MAPK8IP3: variants seen among roughly 807,000 people sequenced by gnomAD.
MAPK8IP3 encodes the protein mitogen-activated protein kinase 8 interacting protein 3.
MAPK8IP3 carries 49 observed loss-of-function variants against 157.8 expected under a neutral mutation model. That is an observed-to-expected ratio of 0.31 (90% CI 0.25 to 0.39). The LOEUF is 0.39. Among genes scored for constraint, MAPK8IP3 ranks in the 10% least tolerant of loss-of-function variants. The pLI, the probability that MAPK8IP3 is intolerant of heterozygous loss-of-function variation, is 1.00. For missense variants in MAPK8IP3, 1,478 were observed against 1,889.4 expected (o/e 0.78, Z 4.04); for synonymous variants, 897 against 777.7 (o/e 1.15, Z -2.55).
rs993592494 is a variant in MAPK8IP3, at chr16:1,761,161, G to A, written c.1458-63G>A. On this transcript the variant is annotated intron_variant, in intron 12 of 31. Coordinates refer to ENST00000610761, the MANE Select transcript of MAPK8IP3 (RefSeq NM_001318852.2). The stretch of plus-strand genomic sequence containing the variant: ...CACAGGTTCGGGGCGGGCACTGCCC[G>A]CTATGTGTTCCCGAGGCCCCTGGGA... 2.9e-5 allele frequency: 39 copies of A among 1,343,854 alleles called. No individual in the cohort carries two copies. The African/African-American group carries it at 3.2e-4, about 11-fold the overall frequency. 83.2% of individuals were successfully genotyped at this position (1,343,854 alleles called of 1,614,324 possible). A position where few individuals can be genotyped will look rare whatever the true frequency, so the allele number is the denominator to read the frequency against.
At chr16:1,752,380 C>T (rs569518375) in intron 8 of MAPK8IP3, 22 of 255,808 alleles carry the variant, frequency 8.6e-5, no homozygotes, top group Middle Eastern at 1.5e-3. Context: ...CAGGCTGGCA[C>T]GACAGGCTGC....
At chr16:1,719,771 G>A (rs781588634) in intron 1 of MAPK8IP3, among the ~76,000 whole-genome samples, 3 of 151,662 alleles carry the variant, frequency 2.0e-5, no homozygotes, top group Admixed American at 1.3e-4. Context: ...GCTTGAGCCC[G>A]CGAGGTCAAG....
rs999803646 is a variant in MAPK8IP3, at chr16:1,710,076, G to A, written c.318+3419G>A. ...TTTTCCGAGTTAAATAAAAGTTACCGGCCAGGCGCAGCGACTCTCACATGT... is the reference window on the plus strand; with the variant it reads ...TTTTCCGAGTTAAATAAAAGTTACCAGCCAGGCGCAGCGACTCTCACATGT... On this transcript the variant is annotated intron_variant, in intron 1 of 31. Transcript: ENST00000610761. The surrounding 1 kb of genome is among the most constrained non-coding windows in gnomAD (Gnocchi z 4.1). Among the ~76,000 whole-genome samples, 2 of 152,066 alleles carry A rather than the reference G, an allele frequency of 1.3e-5. No individual in the cohort carries two copies. The highest frequency in any genetic ancestry group is 1.3e-4 in the Admixed American group (2 of 15,258).
At chr16:1,748,493 T>C (rs914850207) in intron 7 of MAPK8IP3, 109 bp from the exon 8 acceptor site, 2 of 1,143,656 alleles carry the variant, frequency 1.7e-6, no homozygotes, top group Non-Finnish European at 2.6e-6. Flanking sequence ...TGCAGGGCAG[T>C]GTGGGCATTG....
chr16:1,767,334 C>T (rs771704921), intron 26 of MAPK8IP3, 37 bp downstream of exon 26: 8 of 1,609,980 alleles, frequency 5.0e-6, no homozygotes, highest in East Asian at 4.5e-5. Flanking sequence ...GGGGAAGAGG[C>T]TCCTGCTGGC....
At chr16:1,733,582 G>A (rs1411847657) in intron 4 of MAPK8IP3, among the ~76,000 whole-genome samples, 2 of 152,226 alleles carry the variant, frequency 1.3e-5, no homozygotes, top group Non-Finnish European at 1.5e-5. Flanking sequence ...CTGTCGAGGT[G>A]TCCCCGCGGG....
At chr16:1,767,086 C>G in intron 25 of MAPK8IP3, 63 bp from the exon 26 acceptor site, 1 of 1,596,736 alleles carries the variant, frequency 6.3e-7, no homozygotes. Context: ...GTGTCTCAAC[C>G]CGATGCCCTG....
intron 1 of MAPK8IP3, among the ~76,000 whole-genome samples, chr16:1,709,955 TCAA>T (rs1184384594): frequency 1.3e-5 from 2 of 151,812 alleles, no homozygotes; most frequent in East Asian, 3.8e-4. Context: ...GGGTGTTCTC[TCAA>T]CAAGCCCAGA....
At chr16:1,745,161 G>T (rs1056245781) in intron 5 of MAPK8IP3, 8 of 985,372 alleles carry the variant, frequency 8.1e-6, no homozygotes, top group Non-Finnish European at 9.6e-6. Context: ...TAGGGTGACG[G>T]AGAGCTAGGG....
intron 4 of MAPK8IP3, among the ~76,000 whole-genome samples, chr16:1,737,585 T>TGA (rs2040089387): frequency 2.0e-5 from 2 of 97,998 alleles, no homozygotes; most frequent in African/African-American, 8.5e-5. Context: ...TGACCGTCCG[T>TGA]GAGCATCCGT....
At chr16:1,744,067 G>A in intron 5 of MAPK8IP3, 1 of 988,094 alleles carries the variant, frequency 1.0e-6, no homozygotes. Context: ...GCCCCAGCAG[G>A]TTCTCACAGC....
intron 10 of MAPK8IP3, 44 bp downstream of exon 10, chr16:1,759,039 C>T (rs571989680): frequency 3.5e-5 from 57 of 1,611,004 alleles, no homozygotes; most frequent in South Asian, 7.7e-5. Flanking sequence ...TCCTCCACCC[C>T]GACATGGTCT....
At position 1,743,175 on chromosome 16, in the gene MAPK8IP3, G is replaced by T. The variant is rs997505333; in HGVS notation, c.603-157G>T. ...ACTGCAGCATCATGGGAGGGGAAGC[G>T]CCACGTAGGATCATAACTGAGTAGC... On this transcript the variant is annotated intron_variant, in intron 4 of 31. Coordinates refer to ENST00000610761, the MANE Select transcript of MAPK8IP3 (RefSeq NM_001318852.2). This position sits in a 1 kb window ranked among gnomAD's most constrained non-coding sequence, Gnocchi z 5.6. Among the ~76,000 whole-genome samples the T allele has an allele frequency of 3.3e-5, 5 of 152,120 alleles. No individual in the cohort carries two copies. Among genetic ancestry groups the T allele is most frequent in the Non-Finnish European group, 7.4e-5 (5 of 68,018 alleles).
intron 1 of MAPK8IP3, among the ~76,000 whole-genome samples, chr16:1,712,657 G>A (rs1233603743): frequency 1.3e-5 from 2 of 152,104 alleles, no homozygotes; most frequent in Non-Finnish European, 2.9e-5. Context: ...TCCCCAGGTG[G>A]CCCCCCACTG....
chr16:1,739,462 TTCCG>T, intron 4 of MAPK8IP3, among the ~76,000 whole-genome samples: 1 of 63,088 alleles, frequency 1.6e-5, no homozygotes, highest in Non-Finnish European at 3.0e-5. Flanking sequence ...CCGTGTGAGC[TTCCG>T]TGTGACCGTC....
rs940990154 is a variant in MAPK8IP3 at position 1,764,863 on chromosome 16, C to A, written c.2281-150C>A. ...GCTTTAGAGTGCAGTCCTGAGTCCG[C>A]ATTGTTCTGGTCCTGGGGGAGGACA... is the stretch of plus-strand genomic sequence containing the variant. On this transcript the variant is annotated intron_variant, in intron 19 of 31. Transcript: ENST00000610761. The A allele has an allele frequency of 9.5e-6, 7 of 734,328 alleles. No individual in the cohort carries two copies. In the African/African-American group the frequency reaches 1.2e-4, roughly 13 times the overall value. The allele number at this position is 734,328 out of a possible 1,614,324, so 45.5% of individuals were successfully genotyped here.
At chr16:1,729,466 C>T in intron 3 of MAPK8IP3, 21 bp from the exon 4 acceptor site, 2 of 1,604,652 alleles carry the variant, frequency 1.2e-6, no homozygotes, top group Non-Finnish European at 1.7e-6. Context: ...AGCGCTAATG[C>T]AGGCGTTTCC....
At chr16:1,713,873 A>T (rs1368014647) in intron 1 of MAPK8IP3, 1 of 152,136 alleles carries the variant, frequency 6.6e-6, no homozygotes, top group Non-Finnish European at 1.5e-5. Context: ...GTTTTGAAAT[A>T]CGTATAAACA....
intron 4 of MAPK8IP3, among the ~76,000 whole-genome samples, chr16:1,735,590 C>T (rs1373994716): frequency 4.5e-5 from 6 of 133,434 alleles, no homozygotes; most frequent in African/African-American, 1.7e-4. Context: ...TGTGACCATC[C>T]GTGTGAGCAT....
Sources: allele counts gnomAD v4.1 joint callset (sites outside exome capture counted in the v4.1 genomes callset), GRCh38; gene constraint gnomAD v4.1.1; non-coding constraint Gnocchi (gnomAD v3.1); transcripts MANE v1.5; gene names NCBI Gene and HGNC (gene_info 2026-07-23, HGNC 2026-07-21).